The following DST variants were observed in gnomAD, a reference collection of about 807,000 sequenced individuals.
DST encodes the protein dystonin.
A neutral mutation model predicts 875.2 loss-of-function variants in DST; 253 were observed. The ratio of observed to expected loss-of-function variants is 0.29; its 90% confidence interval spans 0.26 to 0.32. The LOEUF is 0.32. Ranked by LOEUF, DST falls within the 10% of genes least tolerant of loss-of-function variation. The pLI, the probability that DST is intolerant of heterozygous loss-of-function variation, is 1.00. For synonymous variants in DST, 3,124 were observed against 3,197.1 expected (o/e 0.98, Z 0.77); for missense variants, 8,287 against 9,111.6 (o/e 0.91, Z 3.68).
chr6:56,482,016 A>G, intron 90 of DST, 34 bp downstream of exon 90: 1 of 1,598,858 alleles, frequency 6.3e-7, no homozygotes, highest in Non-Finnish European at 8.5e-7. Flanking sequence ...TGATTTTCTA[A>G]TTTAGCTTTA....
At chr6:56,786,573 C>A (rs921131567) in intron 4 of DST, among the ~76,000 whole-genome samples, 1 of 152,308 alleles carries the variant, frequency 6.6e-6, no homozygotes, top group Admixed American at 6.5e-5. Flanking sequence ...CGCTCTGTCA[C>A]CCAGGCTACA....
chr6:56,612,096 G>A (rs1273969191), intron 37 of DST, among the ~76,000 whole-genome samples: 1 of 152,244 alleles, frequency 6.6e-6, no homozygotes, highest in Admixed American at 6.5e-5. Context: ...CTAGCTGAGA[G>A]CAGTGGCTCA....
rs2097723684 is a variant in DST at position 56,568,699 on chromosome 6, C to A, written c.13879-104G>T. 2.8e-6 allele frequency: 3 copies of A among 1,054,408 alleles called. No individual in the cohort carries two copies. In the East Asian group the frequency reaches 8.3e-5, roughly 29 times the overall value. The allele number at this position is 1,054,408 out of a possible 1,614,324, so 65.3% of individuals were successfully genotyped here. ...TCTTAAAGTAGTAATAATTGTAGACCCTGATTTGTGAGGGAGTCGATGAAA... is the reference window on the plus strand; with the variant it reads ...TCTTAAAGTAGTAATAATTGTAGACACTGATTTGTGAGGGAGTCGATGAAA... On this transcript the variant is annotated intron_variant, in intron 54 of 103. Coordinates refer to ENST00000680361, the MANE Select transcript of DST (RefSeq NM_001374736.1).
Position 56,528,894 on chromosome 6 carries a change from T to G in DST, c.17627A>C (p.Gln5876Pro), listed in dbSNP as rs1411515241. Residue 5876 changes from glutamine to proline, a missense_variant, in exon 67 of 104, where the codon CAA becomes CCA. By Grantham distance (76) the Gln-to-Pro change is moderately conservative. Transcript: ENST00000680361. ...VLQEDILLRK[Q>P]NVDQALLNGL... The stretch of plus-strand genomic sequence containing the variant: ...ATTTAGTAAAGCCTGATCTACATTT[T>G]GTTTCCTGAGTAAGATGTCCTCTTG... 2.5e-6 allele frequency: 4 copies of G among 1,586,910 alleles called. No homozygotes were observed. The highest frequency in any genetic ancestry group is 3.4e-6 in the Non-Finnish European group (4 of 1,164,436).
rs751081709 is a variant in DST, at chr6:56,573,684, T to C, written c.13231A>G (p.Asn4411Asp). The C allele has an allele frequency of 6.2e-7, 1 of 1,611,780 alleles. No homozygotes were observed. The highest frequency in any genetic ancestry group is 8.5e-7 in the Non-Finnish European group (1 of 1,178,280). Reference sequence around the variant, plus strand: ...TTTTTTTTAAAGTCACTTACAATGTTTTTACTGATAATATCCTGAAGAGCA... The same window carrying C: ...TTTTTTTTAAAGTCACTTACAATGTCTTTACTGATAATATCCTGAAGAGCA... ...STALQDIISK[N>D]IMLEQDIAGR... The change falls in exon 51 of 104, where the codon AAC becomes GAC. Residue 4411 changes from asparagine (N) to aspartate (D), a missense_variant. Physicochemically the swap from Asn to Asp is conservative, Grantham distance 23. This residue lies in a region of DST where 1,513 missense variants were observed against 1,677.8 expected (regional missense o/e 0.90). Transcript: ENST00000680361.
Position 56,593,869 on chromosome 6 carries a change from A to G in DST, c.12520T>C (p.Leu4174=), listed in dbSNP as rs1282011986. ...TCTGAGAAACTCTTCTGCCTCTTCA[A>G]TTTGGTCATTAAACCATTGATGTCA... ...ADDINGLMTK[L]KRQKSFSEDV... is the part of the protein sequence containing the mutation. The change falls in exon 48 of 104, where the codon TTG becomes CTG. Residue 4174 remains leucine (L), a synonymous_variant. Transcript: ENST00000680361. 1 of 1,613,974 alleles carries G rather than the reference A, an allele frequency of 6.2e-7. No individual in the cohort carries two copies. Among genetic ancestry groups the G allele is most frequent in the Non-Finnish European group, 8.5e-7 (1 of 1,179,880 alleles).
At chr6:56,702,001 T>G (rs1282104000) in intron 7 of DST, 36 bp from the exon 8 acceptor site, 2 of 1,273,290 alleles carry the variant, frequency 1.6e-6, no homozygotes, top group African/African-American at 1.5e-5. Context: ...AAAAAGAGTT[T>G]CTGTTATCAC....
In DST at chr6:56,678,834, G is replaced by A. The variant is rs548466686; in HGVS notation, c.1048-8027C>T. Among the ~76,000 whole-genome samples, 46 of 152,248 alleles carry A rather than the reference G, an allele frequency of 3.0e-4. No homozygotes were observed. In the South Asian group the frequency reaches 7.7e-3, roughly 25 times the overall value. ...ATCTACATGAACAAGCTTTACTAACGGGCCTTTGTCTGCCATTTCTTTCCC... is the reference window on the plus strand; with the variant it reads ...ATCTACATGAACAAGCTTTACTAACAGGCCTTTGTCTGCCATTTCTTTCCC... On this transcript the variant is annotated intron_variant, in intron 9 of 103. Transcript: ENST00000680361.
At position 56,867,027 on chromosome 6, in the gene DST, A is replaced by G. The variant is rs567652933; in HGVS notation, c.418-15423T>C. Among the ~76,000 whole-genome samples the G allele has an allele frequency of 6.0e-4, 91 of 152,352 alleles. No homozygotes were observed. The South Asian group carries it at 0.015, about 25-fold the overall frequency. On this transcript the variant is annotated intron_variant, in intron 3 of 103. Transcript: ENST00000680361. ...TTACAGAACAACAGATTTAAAGCACAACATAGTCTCACAACCCACAGTTAA... is the reference window on the plus strand; with the variant it reads ...TTACAGAACAACAGATTTAAAGCACGACATAGTCTCACAACCCACAGTTAA...
rs775975734 is a variant in DST at position 56,494,055 on chromosome 6, C to G, written c.20349G>C (p.Leu6783Phe). 1.2e-6 allele frequency: 2 copies of G among 1,602,404 alleles called. No homozygotes were observed. The highest frequency in any genetic ancestry group is 4.5e-5 in the East Asian group (2 of 44,696). ...TTTCCACCGATTCCCATTTTTCTTTCAAGTTATTTATGTCTTGGTCAATAT... is the reference window on the plus strand; with the variant it reads ...TTTCCACCGATTCCCATTTTTCTTTGAAGTTATTTATGTCTTGGTCAATAT... ...ETNIDQDINN[L>F]KEKWESVETK... The change falls in exon 83 of 104, where the codon TTG becomes TTC. Residue 6783 changes from leucine to phenylalanine, a missense_variant. Physicochemically the swap from Leu to Phe is conservative, Grantham distance 22 (BLOSUM62 0). Around this residue, in one of 10 missense-constraint regions of DST, gnomAD observed 1,292 missense variants for 1,552.7 expected, o/e 0.83. Coordinates refer to ENST00000680361, the MANE Select transcript of DST (RefSeq NM_001374736.1).
intron 49 of DST, among the ~76,000 whole-genome samples, chr6:56,581,663 C>T (rs138240273): frequency 1.3e-5 from 2 of 152,192 alleles, no homozygotes; most frequent in African/African-American, 4.8e-5. Flanking sequence ...AGGCCTATTC[C>T]CAGCTTTAAT....
intron 2 of DST, among the ~76,000 whole-genome samples, chr6:56,902,596 A>G (rs1022456224): frequency 1.3e-5 from 2 of 152,386 alleles, no homozygotes; most frequent in Non-Finnish European, 2.9e-5. Context: ...ATGCAAATGG[A>G]TTTGGCAAAA....
At chr6:56,797,621 G>C (rs553133691) in intron 4 of DST, among the ~76,000 whole-genome samples, 1 of 152,030 alleles carries the variant, frequency 6.6e-6, no homozygotes, top group Admixed American at 6.6e-5. Flanking sequence ...ATCACCTGAG[G>C]TCAGGAGGCC....
chr6:56,527,718 T>G lies in DST; in HGVS notation c.17697A>C (p.Ile5899=), dbSNP rs1353520487. Residue 5899 remains isoleucine, a synonymous_variant, in exon 68 of 104, where the codon ATA becomes ATC. Transcript: ENST00000680361. ...TAATGGCTTCCAATTTATCTTGAAT[T>G]ATTAAAACTTCATCACCTAAAATTT... ...LKQTTGDEVL[I]IQDKLEAIKA... 10 of 1,599,090 alleles carry G rather than the reference T, an allele frequency of 6.3e-6. No individual in the cohort carries two copies. The Admixed American group carries it at 8.7e-5, about 14-fold the overall frequency.
In DST at chr6:56,527,622, A is replaced by G; in HGVS notation, c.17793T>C (p.Leu5931=). 1 of 1,613,848 alleles carries G rather than the reference A, an allele frequency of 6.2e-7. No homozygotes were observed. The highest frequency in any genetic ancestry group is 8.5e-7 in the Non-Finnish European group (1 of 1,179,830). ...VAKTLEQALQ[L]ARRLHSTHEE... Reference sequence around the variant, plus strand: ...CGTGTGTGGAGTGCAGCCGCCTTGCAAGCTGCAGCGCCTGTTCCAGAGTCT... The same window carrying G: ...CGTGTGTGGAGTGCAGCCGCCTTGCGAGCTGCAGCGCCTGTTCCAGAGTCT... The change falls in exon 68 of 104, where the codon CTT becomes CTC. Residue 5931 remains leucine (L), a synonymous_variant. Transcript: ENST00000680361.
At chr6:56,575,371 G>GA (rs889297472) in intron 50 of DST, among the ~76,000 whole-genome samples, 1 of 151,720 alleles carries the variant, frequency 6.6e-6, no homozygotes, top group Non-Finnish European at 1.5e-5. Context: ...AAAAGTTGAA[G>GA]AAAAAAAATG....
intron 4 of DST, among the ~76,000 whole-genome samples, chr6:56,745,875 T>C (rs2099570837): frequency 6.6e-6 from 1 of 152,222 alleles, no homozygotes; most frequent in African/African-American, 2.4e-5. Context: ...GCAGATAAAA[T>C]TATTTCATAT....
At chr6:56,572,334 G>A (rs2097791387) in intron 52 of DST, 68 bp from the exon 53 acceptor site, 1 of 1,106,640 alleles carries the variant, frequency 9.0e-7, no homozygotes. Flanking sequence ...TCCATCCAGA[G>A]GTCTGTGCGG....
At chr6:56,616,216 G>T in intron 36 of DST, 1 of 1,614,098 alleles carries the variant, frequency 6.2e-7, no homozygotes, top group South Asian at 1.1e-5. Context: ...GATACTTTTT[G>T]ACCAAGGCTT....
Sources: allele counts gnomAD v4.1 joint callset (sites outside exome capture counted in the v4.1 genomes callset), GRCh38; gene constraint gnomAD v4.1.1; regional missense constraint gnomAD v4.1.1; transcripts MANE v1.5; gene names NCBI Gene and HGNC (gene_info 2026-07-23, HGNC 2026-07-21).